RBMS3: variants seen among roughly 807,000 people sequenced by gnomAD.
RBMS3 encodes the protein RNA-binding motif, single-stranded-interacting protein 3.
RBMS3 carries 27 observed loss-of-function variants against 66.8 expected under a neutral mutation model. The observed-to-expected ratio is 0.40, with a 90% confidence interval of 0.30 to 0.56. The LOEUF is 0.56. RBMS3 is among the 20% of genes least tolerant of loss of function. The probability of loss-of-function intolerance (pLI) is 0.40; values close to 1 mark genes in which losing one functional copy is unlikely to be tolerated. For synonymous variants in RBMS3, 188 were observed against 183.0 expected (o/e 1.03, Z -0.22); for missense variants, 513 against 549.5 (o/e 0.93, Z 0.66).
chr3:29,733,337 G>A (rs1447468001), intron 4 of RBMS3, among the ~76,000 whole-genome samples: 1 of 150,588 alleles, frequency 6.6e-6, no homozygotes, highest in Non-Finnish European at 1.5e-5. Flanking sequence ...AATCATGGAG[G>A]TGCACGTATC....
chr3:29,334,829 T>C (rs1030828172), intron 1 of RBMS3, among the ~76,000 whole-genome samples: 2 of 152,172 alleles, frequency 1.3e-5, no homozygotes, highest in African/African-American at 4.8e-5. Flanking sequence ...GCAGAAACTG[T>C]TCTTTATATG....
chr3:29,924,979 T>C (rs1457164278), intron 10 of RBMS3: 1 of 152,184 alleles, frequency 6.6e-6, no homozygotes. Flanking sequence ...GGAGTTTCTT[T>C]GTTATTCTGA....
At position 29,461,339 on chromosome 3, in the gene RBMS3, A is replaced by G. The variant is rs372963232; in HGVS notation, c.248+26424A>G. Among the ~76,000 whole-genome samples the G allele has an allele frequency of 3.9e-5, 6 of 152,116 alleles. No homozygotes were observed. In the East Asian group the frequency reaches 5.8e-4, roughly 15 times the overall value. On this transcript the variant is annotated intron_variant, in intron 2 of 14. Coordinates refer to ENST00000383767, the MANE Select transcript of RBMS3 (RefSeq NM_001003793.3). ...CTTTCCTCACTGTTTTCTCTTCTCC[A>G]TTCCTGAAATTCAGAACCTTGCTCA... is the stretch of plus-strand genomic sequence containing the variant.
At chr3:29,598,335 C>A (rs2048028781) in intron 4 of RBMS3, among the ~76,000 whole-genome samples, 1 of 151,952 alleles carries the variant, frequency 6.6e-6, no homozygotes, top group African/African-American at 2.4e-5. Context: ...GAAGCCACTC[C>A]CAATTTCCCC....
At chr3:29,730,704 G>A (rs2054092957) in intron 4 of RBMS3, among the ~76,000 whole-genome samples, 1 of 152,044 alleles carries the variant, frequency 6.6e-6, no homozygotes, top group African/African-American at 2.4e-5. Flanking sequence ...TCTGAGCAGT[G>A]AATTAAACTC....
At chr3:29,504,786 A>C (rs1278008078) in intron 3 of RBMS3, among the ~76,000 whole-genome samples, 1 of 151,980 alleles carries the variant, frequency 6.6e-6, no homozygotes, top group Non-Finnish European at 1.5e-5. Flanking sequence ...AGCCATTCTA[A>C]CAGGTGTGAG....
chr3:29,287,914 A>ATT (rs967921743), intron 1 of RBMS3, among the ~76,000 whole-genome samples: 6 of 150,854 alleles, frequency 4.0e-5, no homozygotes, highest in Admixed American at 2.6e-4. Context: ...TTTTGTTTTT[A>ATT]TTTTTTTTTA....
At chr3:29,875,019 G>A (rs1436537217) in intron 7 of RBMS3, among the ~76,000 whole-genome samples, 2 of 152,122 alleles carry the variant, frequency 1.3e-5, no homozygotes, top group Non-Finnish European at 2.9e-5. Flanking sequence ...AATTTAGGAA[G>A]GGCTTAAGGC....
chr3:29,757,618 A>G (rs974754158), intron 5 of RBMS3, among the ~76,000 whole-genome samples: 8 of 152,218 alleles, frequency 5.3e-5, no homozygotes, highest in African/African-American at 1.9e-4. Flanking sequence ...GCTGGGCCCC[A>G]GAGATTGGTA....
At chr3:29,848,738 A>T (rs1214169309) in intron 6 of RBMS3, among the ~76,000 whole-genome samples, 2 of 152,206 alleles carry the variant, frequency 1.3e-5, no homozygotes, top group African/African-American at 4.8e-5. Context: ...AAAAATAAAT[A>T]TGTGAAAGCA....
At chr3:29,848,107 T>A (rs1428015770) in intron 6 of RBMS3, among the ~76,000 whole-genome samples, 1 of 152,142 alleles carries the variant, frequency 6.6e-6, no homozygotes, top group African/African-American at 2.4e-5. Context: ...AGGAATTGAT[T>A]GTTGTATTGT....
At position 29,293,212 on chromosome 3, in the gene RBMS3, C is replaced by A. The variant is rs112060156; in HGVS notation, c.75+11456C>A. On this transcript the variant is annotated intron_variant, in intron 1 of 14. Coordinates refer to ENST00000383767, the MANE Select transcript of RBMS3 (RefSeq NM_001003793.3). ...AAAGTGTATTTTTGATTTTCTGTAT[C>A]TAACATATTCATATACGATCTGTAT... Among the ~76,000 whole-genome samples the A allele has an allele frequency of 5.2e-3, 795 of 151,892 alleles. 10 individuals are homozygous for A. Among genetic ancestry groups the A allele is most frequent in the African/African-American group, 0.018 (743 of 41,496 alleles).
At chr3:29,883,852 C>T in intron 7 of RBMS3, among the ~76,000 whole-genome samples, 1 of 151,818 alleles carries the variant, frequency 6.6e-6, no homozygotes, top group East Asian at 1.9e-4. Flanking sequence ...GTGTTCTTGA[C>T]AATAGTGTGA....
At chr3:29,960,526 C>T (rs947643154) in intron 12 of RBMS3, among the ~76,000 whole-genome samples, 3 of 152,200 alleles carry the variant, frequency 2.0e-5, no homozygotes, top group African/African-American at 7.2e-5. Context: ...GGCAGTGCCC[C>T]AGGGGGGACT....
At chr3:29,918,791 AT>A (rs1471681229) in intron 10 of RBMS3, among the ~76,000 whole-genome samples, 2 of 152,132 alleles carry the variant, frequency 1.3e-5, no homozygotes, top group African/African-American at 4.8e-5. Flanking sequence ...AATTTTGAGC[AT>A]TATACAACAT....
intron 4 of RBMS3, among the ~76,000 whole-genome samples, chr3:29,702,943 A>C (rs1393553587): frequency 1.3e-5 from 2 of 152,206 alleles, no homozygotes; most frequent in Non-Finnish European, 2.9e-5. Context: ...AGGAAGCTGA[A>C]AAGATTGTTG....
intron 1 of RBMS3, among the ~76,000 whole-genome samples, chr3:29,333,964 C>A (rs1036969633): frequency 6.6e-6 from 1 of 152,100 alleles, no homozygotes; most frequent in Admixed American, 6.6e-5. Context: ...TTAGAGAGAT[C>A]TAGACTTGCT....
intron 4 of RBMS3, among the ~76,000 whole-genome samples, chr3:29,701,930 C>T (rs777929974): frequency 7.2e-5 from 11 of 152,302 alleles, no homozygotes; most frequent in Non-Finnish European, 1.3e-4. Context: ...TGCAGGCCCT[C>T]GGTGTGGGAC....
chr3:29,796,710 A>ATTTTTTTTTTTTTTTTTTTTTTTT (rs1576829680), intron 6 of RBMS3, among the ~76,000 whole-genome samples: 1 of 93,366 alleles, frequency 1.1e-5, no homozygotes, highest in African/African-American at 5.2e-5. Context: ...TTTGAAAGGA[A>ATTTTTTTTTTTTTTTTTTTTTTTT]TCTTTTTTTT....
Sources: gnomAD v4.1 joint callset for allele counts (sites outside exome capture counted in the v4.1 genomes callset) on GRCh38, gnomAD v4.1.1 for gene constraint, MANE v1.5 for transcripts, NCBI Gene and HGNC (gene_info 2026-07-23, HGNC 2026-07-21) for gene names.